Variants in DYNC1H1 observed in about 807,000 individuals in gnomAD.
The protein encoded by DYNC1H1 is cytoplasmic dynein 1 heavy chain 1.
DYNC1H1 carries 51 observed loss-of-function variants against 527.1 expected under a neutral mutation model. The observed-to-expected ratio is 0.10, with a 90% CI of 0.08 to 0.12. DYNC1H1 has a LOEUF of 0.12. DYNC1H1 is among the 10% of genes least tolerant of loss of function. The probability of loss-of-function intolerance (pLI) is 1.00; values close to 1 mark genes in which losing one functional copy is unlikely to be tolerated. For synonymous variants in DYNC1H1, 2,189 were observed against 2,278.8 expected, an observed-to-expected ratio of 0.96 and a Z score of 1.12; for missense variants, 2,771 against 5,971.8, an observed-to-expected ratio of 0.46 and a Z score of 17.66.
In DYNC1H1 at chr14:101,976,893, T is replaced by C. The variant is rs938128684; in HGVS notation, c.344+1094T>C. Among the ~76,000 whole-genome samples, 4 of 152,210 alleles carry C rather than the reference T, an allele frequency of 2.6e-5. No individual in the cohort carries two copies. In the East Asian group the frequency reaches 7.7e-4, roughly 29 times the overall value. On this transcript the variant is annotated intron_variant, in intron 2 of 77. Transcript: ENST00000360184. ...AAACAGCCAGTATAACAACTATTTA[T>C]GTATTGTTTATGTTGTGTTAGGGAT...
At chr14:102,004,107 G>A (rs934971898) in intron 23 of DYNC1H1, among the ~76,000 whole-genome samples, 16 of 151,844 alleles carry the variant, frequency 1.1e-4, no homozygotes, top group Non-Finnish European at 4.4e-5. Context: ...AGCCGGGCGT[G>A]GTGGTGGGCG....
intron 56 of DYNC1H1, 108 bp downstream of exon 56, chr14:102,034,560 G>C: frequency 1.3e-6 from 2 of 1,577,114 alleles, no homozygotes; most frequent in East Asian, 4.5e-5. Flanking sequence ...AATGGGGCGT[G>C]GGCATACAGT....
chr14:101,977,251 T>A (rs967117006), intron 2 of DYNC1H1, among the ~76,000 whole-genome samples: 8 of 152,258 alleles, frequency 5.3e-5, no homozygotes, highest in Admixed American at 5.2e-4. Context: ...TAATTTATCC[T>A]AGTAGACATA....
Position 102,008,225 on chromosome 14 carries a change from C to A in DYNC1H1, c.5865C>A (p.Gly1955=), listed in dbSNP as rs2048219475. 2 of 1,614,064 alleles carry A rather than the reference C, an allele frequency of 1.2e-6. No individual in the cohort carries two copies. Among genetic ancestry groups the A allele is most frequent in the Non-Finnish European group, 1.7e-6 (2 of 1,180,050 alleles). The change falls in exon 29 of 78, where the codon GGC becomes GGA. Residue 1955 remains glycine (G), a synonymous_variant. Transcript: ENST00000360184. The part of the protein sequence containing the change: ...FVGLCQVGAW[G]CFDEFNRLEE... ...GCCTTTGCCAGGTGGGTGCCTGGGG[C>A]TGCTTTGACGAGTTCAACCGCCTGG... is the stretch of plus-strand genomic sequence containing the variant.
At position 102,011,662 on chromosome 14, in the gene DYNC1H1, GA is replaced by G; in HGVS notation, c.6619-211del. The G allele has an allele frequency of 1.7e-6, 1 of 580,782 alleles. No individual in the cohort carries two copies. Among genetic ancestry groups the G allele is most frequent in the Non-Finnish European group, 3.1e-6 (1 of 325,236 alleles). The allele number at this position is 580,782 out of a possible 1,614,324, so 36.0% of individuals were successfully genotyped here. A position where few individuals can be genotyped will look rare whatever the true frequency, so the allele number is the denominator to read the frequency against. On this transcript the variant is annotated intron_variant, in intron 32 of 77. Transcript: ENST00000360184. The surrounding 1 kb of genome is among the most constrained non-coding windows in gnomAD (Gnocchi z 5.3). ...AGCTACTTGGGAGAGTGAGGAAGGA[GA>G]ATCACTTGAACCTGGGAGGTGGAGC...
intron 16 of DYNC1H1, among the ~76,000 whole-genome samples, chr14:101,998,980 C>T (rs1393320544): frequency 9.6e-5 from 14 of 145,966 alleles, no homozygotes; most frequent in African/African-American, 3.6e-4. Context: ...CTCCTGGCTT[C>T]ATGCCATTCT....
At position 102,038,473 on chromosome 14, in the gene DYNC1H1, A is replaced by G; in HGVS notation, c.10922A>G (p.Tyr3641Cys). 4 of 1,614,110 alleles carry G rather than the reference A, an allele frequency of 2.5e-6. No homozygotes were observed. The highest frequency in any genetic ancestry group is 3.4e-6 in the Non-Finnish European group (4 of 1,180,036). Residue 3641 changes from tyrosine (Y) to cysteine (C), a missense_variant, in exon 58 of 78, where the codon TAC becomes TGC. By Grantham distance (194) the Tyr-to-Cys change is radical. Coordinates refer to ENST00000360184, the MANE Select transcript of DYNC1H1 (RefSeq NM_001376.5). This position sits in a 1 kb window ranked among gnomAD's most constrained non-coding sequence, Gnocchi z 7.2. ...NPLLVQDVES[Y>C]DPVLNPVLNR... ...TGTGGAATGCAGGATGTGGAAAGCT[A>G]CGATCCAGTTTTGAACCCGGTGCTG... is the stretch of plus-strand genomic sequence containing the variant.
At chr14:102,050,339 A>G (rs1037536963) in intron 77 of DYNC1H1, 96 bp from the exon 78 acceptor site, 9 of 1,611,966 alleles carry the variant, frequency 5.6e-6, no homozygotes, top group Non-Finnish European at 2.5e-6. Context: ...CACCTGTCCA[A>G]ACCTCTCCTT....
At position 101,995,215 on chromosome 14, in the gene DYNC1H1, C is replaced by T. The variant is rs200290958; in HGVS notation, c.3479C>T (p.Thr1160Met). ...RQELEQHSVD[T>M]ASTSDAVTFI... ...GAGTTGGAGCAGCACTCAGTAGACA[C>T]GGCCAGCACCTCCGATGCAGTGACC... The change falls in exon 15 of 78, where the codon ACG (threonine) becomes ATG (methionine). Residue 1160 changes from threonine to methionine, a missense_variant. Transcript: ENST00000360184. 1.1e-5 allele frequency: 17 copies of T among 1,614,228 alleles called. No individual in the cohort carries two copies. Among genetic ancestry groups the T allele is most frequent in the Non-Finnish European group, 1.4e-5 (17 of 1,180,034 alleles).
Position 102,010,179 on chromosome 14 carries a change from T to A in DYNC1H1, c.6221+93T>A. On this transcript the variant is annotated intron_variant, in intron 30 of 77. Coordinates refer to ENST00000360184, the MANE Select transcript of DYNC1H1 (RefSeq NM_001376.5). The surrounding 1 kb of genome is among the most constrained non-coding windows in gnomAD (Gnocchi z 6.0). The stretch of plus-strand genomic sequence containing the variant: ...AATTTTTATATGTAATGATGGTACG[T>A]CTTTCAAAATATCCATCTCTGGTTT... 1 of 1,612,222 alleles carries A rather than the reference T, an allele frequency of 6.2e-7. No homozygotes were observed. The highest frequency in any genetic ancestry group is 1.3e-5 in the African/African-American group (1 of 74,922).
In DYNC1H1 at chr14:102,012,196, AT is replaced by A. The variant is rs2048265906; in HGVS notation, c.6857+88del. ...CTCTCACAAGAGCAGAGTATACGTTATTTTTCAACCAAAGTCTGAGCAAATT... is the reference window on the plus strand; with the variant it reads ...CTCTCACAAGAGCAGAGTATACGTTATTTTCAACCAAAGTCTGAGCAAATT... On this transcript the variant is annotated intron_variant, in intron 33 of 77. Transcript: ENST00000360184. This position sits in a 1 kb window ranked among gnomAD's most constrained non-coding sequence, Gnocchi z 4.9. 6.2e-7 allele frequency: 1 copy of A among 1,611,300 alleles called. No homozygotes were observed. Among genetic ancestry groups the A allele is most frequent in the Non-Finnish European group, 8.5e-7 (1 of 1,177,768 alleles).
chr14:101,993,000 G>A lies in DYNC1H1; in HGVS notation c.3016-1184G>A, dbSNP rs538012243. Among the ~76,000 whole-genome samples the A allele has an allele frequency of 3.3e-5, 5 of 151,586 alleles. No individual in the cohort carries two copies. In the South Asian group the frequency reaches 8.4e-4, roughly 25 times the overall value. On this transcript the variant is annotated intron_variant, in intron 11 of 77. Transcript: ENST00000360184. ...CCTGCAGGCTGACAGCTCTGTGTTCGTATCTCCAGCTGACCTTTCTCCCTA... is the reference window on the plus strand; with the variant it reads ...CCTGCAGGCTGACAGCTCTGTGTTCATATCTCCAGCTGACCTTTCTCCCTA...
intron 9 of DYNC1H1, among the ~76,000 whole-genome samples, 187 bp downstream of exon 9, chr14:101,987,819 T>C (rs2047953091): frequency 6.6e-6 from 1 of 152,206 alleles, no homozygotes; most frequent in Non-Finnish European, 1.5e-5. Context: ...TCATCATGCC[T>C]GTAATCCCAG....
At chr14:101,996,368 G>T (rs964312421) in intron 15 of DYNC1H1, among the ~76,000 whole-genome samples, 4 of 152,042 alleles carry the variant, frequency 2.6e-5, no homozygotes, top group African/African-American at 7.2e-5. Flanking sequence ...GGCCTCAAGT[G>T]ATCTGCCCGC....
chr14:102,025,615 T>C (rs1230929340), intron 43 of DYNC1H1, among the ~76,000 whole-genome samples: 2 of 151,748 alleles, frequency 1.3e-5, no homozygotes, highest in Non-Finnish European at 2.9e-5. Flanking sequence ...TAATCACATT[T>C]CTAATTGAGT....
chr14:102,046,380 A>AACTC (rs1595634826), intron 72 of DYNC1H1, among the ~76,000 whole-genome samples: 2 of 152,328 alleles, frequency 1.3e-5, no homozygotes, highest in East Asian at 1.9e-4. Context: ...GCATTGCTGA[A>AACTC]ACTCACAGCT....
At chr14:101,969,663 G>A (rs1353470408) in intron 1 of DYNC1H1, 3 of 152,252 alleles carry the variant, frequency 2.0e-5, no homozygotes, top group Non-Finnish European at 4.4e-5. Flanking sequence ...TAGCTACCAG[G>A]CTCTGCACTC....
At chr14:101,982,707 G>A (rs937380588) in intron 5 of DYNC1H1, among the ~76,000 whole-genome samples, 3 of 99,932 alleles carry the variant, frequency 3.0e-5, no homozygotes, top group Admixed American at 3.3e-4. Flanking sequence ...CGTCTTCCAC[G>A]AAACTGGTCC....
In DYNC1H1 at chr14:101,987,625, A is replaced by G; in HGVS notation, c.2711A>G (p.Asp904Gly). The part of the protein sequence containing the change: ...SNLPIWVNKL[D>G]MEIERILGVR... ...TTGCCCATCTGGGTCAACAAGCTTG[A>G]CATGGAGGTAAGGGATAGAATTTGC... The change falls in exon 9 of 78, where the codon GAC becomes GGC. Residue 904 changes from aspartate (D) to glycine (G), a missense_variant. This residue lies in a region of DYNC1H1 where 179 missense variants were observed against 349.4 expected (regional missense o/e 0.51). Transcript: ENST00000360184. 2 of 1,614,154 alleles carry G rather than the reference A, an allele frequency of 1.2e-6. No individual in the cohort carries two copies. The highest frequency in any genetic ancestry group is 1.7e-6 in the Non-Finnish European group (2 of 1,180,026).
Sources: gnomAD v4.1 joint callset for allele counts (sites outside exome capture counted in the v4.1 genomes callset) on GRCh38, gnomAD v4.1.1 for gene constraint, gnomAD v4.1.1 regional missense constraint, Gnocchi (gnomAD v3.1) non-coding constraint, MANE v1.5 for transcripts, NCBI Gene and HGNC (gene_info 2026-07-23, HGNC 2026-07-21) for gene names.